Variants in SMYD3 observed in about 807,000 individuals in gnomAD.
The protein encoded by SMYD3 is histone-lysine N-methyltransferase SMYD3.
A neutral mutation model predicts 57.7 loss-of-function variants in SMYD3; 36 were observed. That is an observed-to-expected ratio of 0.62 (90% confidence interval 0.48 to 0.82). The LOEUF (loss-of-function observed/expected upper bound fraction) is 0.82, where lower values mean the gene tolerates loss of function less well. Among genes scored for constraint, SMYD3 ranks in the 40% least tolerant of loss-of-function variants. SMYD3 has a pLI of 0.00. For synonymous variants in SMYD3, 211 were observed against 195.0 expected (o/e 1.08, Z -0.68); for missense variants, 515 against 538.8 (o/e 0.96, Z 0.44).
Position 246,319,946 on chromosome 1 carries a change from C to G in SMYD3, c.531+7255G>C, listed in dbSNP as rs145367515. 3.2e-3 allele frequency among the ~76,000 whole-genome samples: 493 copies of G among 152,288 alleles called. 6 individuals carry two copies. The East Asian group carries it at 0.047, about 14-fold the overall frequency. The stretch of plus-strand genomic sequence containing the variant: ...ACTAAAATTATGAGGGAGGTTATAG[C>G]AGAATATCACATCCATTATTTATGA... On this transcript the variant is annotated intron_variant, in intron 5 of 11. Transcript: ENST00000490107.
At chr1:246,408,344 TTGTG>T (rs144149131) in intron 1 of SMYD3, among the ~76,000 whole-genome samples, 1 of 151,972 alleles carries the variant, frequency 6.6e-6, no homozygotes, top group African/African-American at 2.4e-5. Context: ...AGGATAGCAT[TTGTG>T]TGTGTGTGCG....
intron 7 of SMYD3, among the ~76,000 whole-genome samples, chr1:245,920,345 C>G (rs2055828615): frequency 6.8e-6 from 1 of 146,812 alleles, no homozygotes; most frequent in Admixed American, 6.7e-5. Flanking sequence ...AAAAGATGAC[C>G]AAGTTAAAAT....
intron 10 of SMYD3, among the ~76,000 whole-genome samples, chr1:245,793,112 A>T (rs552967093): frequency 7.3e-6 from 1 of 137,402 alleles, no homozygotes; most frequent in Non-Finnish European, 1.6e-5. Context: ...GATCAAGACC[A>T]TCCTGGCTAA....
rs529963475 is a variant in SMYD3 at position 246,444,707 on chromosome 1, T to G, written c.164+62347A>C. Among the ~76,000 whole-genome samples, 23 of 152,266 alleles carry G rather than the reference T, an allele frequency of 1.5e-4. No individual in the cohort carries two copies. The South Asian group carries it at 3.5e-3, about 23-fold the overall frequency. ...ATGCAAAATTCCTGAAAAGTCTCCA[T>G]GAATCCCGAAGTGTATATATACACC... On this transcript the variant is annotated intron_variant, in intron 1 of 11. Coordinates refer to ENST00000490107, the MANE Select transcript of SMYD3 (RefSeq NM_001167740.2).
At chr1:246,119,238 T>A (rs570947430) in intron 5 of SMYD3, among the ~76,000 whole-genome samples, 1 of 152,130 alleles carries the variant, frequency 6.6e-6, no homozygotes, top group East Asian at 1.9e-4. Flanking sequence ...CCTCAAGCTA[T>A]CCTTCCACCT....
chr1:246,398,672 A>C (rs1311359989), intron 1 of SMYD3, among the ~76,000 whole-genome samples: 1 of 152,210 alleles, frequency 6.6e-6, no homozygotes, highest in Non-Finnish European at 1.5e-5. Flanking sequence ...CACAGAGCAC[A>C]AAGAGGGAGA....
intron 1 of SMYD3, 48 bp downstream of exon 1, chr1:246,507,006 A>G: frequency 1.0e-6 from 1 of 989,834 alleles, no homozygotes; most frequent in Non-Finnish European, 1.3e-6. Context: ...CCTCCCCAGC[A>G]CCCCACACAG....
chr1:246,495,568 A>C (rs1039762401), intron 1 of SMYD3, among the ~76,000 whole-genome samples: 3 of 152,170 alleles, frequency 2.0e-5, no homozygotes, highest in African/African-American at 7.2e-5. Flanking sequence ...AGAGGGAAAA[A>C]GTCCCAAGAA....
chr1:246,173,449 T>G (rs929488019), intron 5 of SMYD3, among the ~76,000 whole-genome samples: 6 of 152,258 alleles, frequency 3.9e-5, no homozygotes, highest in Admixed American at 3.9e-4. Context: ...TTTTACTTTA[T>G]AAACTTTTTT....
chr1:246,476,735 C>G (rs1345772859), intron 1 of SMYD3, among the ~76,000 whole-genome samples: 2 of 152,206 alleles, frequency 1.3e-5, no homozygotes, highest in African/African-American at 4.8e-5. Flanking sequence ...CCTTATTTTT[C>G]TAGTCTAAGG....
chr1:245,890,093 C>T (rs9728929), intron 8 of SMYD3, among the ~76,000 whole-genome samples: 64,355 of 151,844 alleles, frequency 0.42, 16,700 homozygotes, highest in East Asian at 0.81. Context: ...GATGGATTAA[C>T]GACTTAAATT....
At chr1:245,949,488 A>G (rs1005511394) in intron 5 of SMYD3, among the ~76,000 whole-genome samples, 5 of 152,294 alleles carry the variant, frequency 3.3e-5, no homozygotes, top group African/African-American at 1.2e-4. Flanking sequence ...AGACTACACT[A>G]CCGTGCGCAC....
chr1:246,021,801 CAAATGGA>C (rs1393087716), intron 5 of SMYD3, among the ~76,000 whole-genome samples: 1 of 152,080 alleles, frequency 6.6e-6, no homozygotes, highest in Non-Finnish European at 1.5e-5. Context: ...AAAACCCATT[CAAATGGA>C]AAATGGAAAG....
intron 5 of SMYD3, among the ~76,000 whole-genome samples, chr1:246,242,053 T>C (rs1441854191): frequency 1.3e-5 from 2 of 151,624 alleles, no homozygotes; most frequent in Non-Finnish European, 2.9e-5. Flanking sequence ...CCTGGATTCA[T>C]TGATTTTTGA....
chr1:246,136,737 A>C lies in SMYD3; in HGVS notation c.531+190464T>G, dbSNP rs1482891882. Among the ~76,000 whole-genome samples the C allele has an allele frequency of 3.9e-5, 6 of 152,234 alleles. No homozygotes were observed. In the East Asian group the frequency reaches 1.2e-3, roughly 29 times the overall value. The stretch of plus-strand genomic sequence containing the variant: ...AACATACAAATAAAATGAATGAATA[A>C]GTGAATGAGTGGGCATATAAATGAA... On this transcript the variant is annotated intron_variant, in intron 5 of 11. Coordinates refer to ENST00000490107, the MANE Select transcript of SMYD3 (RefSeq NM_001167740.2).
intron 2 of SMYD3, among the ~76,000 whole-genome samples, chr1:246,353,699 T>G (rs2065868325): frequency 6.6e-6 from 1 of 152,214 alleles, no homozygotes; most frequent in African/African-American, 2.4e-5. Context: ...TACAGAATAT[T>G]TGGCAAGTTG....
intron 5 of SMYD3, among the ~76,000 whole-genome samples, chr1:246,326,605 A>G (rs1572384177): frequency 9.0e-6 from 1 of 110,590 alleles, no homozygotes; most frequent in African/African-American, 3.0e-5. Flanking sequence ...CAAAAAAAAA[A>G]AAACAAAATT....
chr1:246,077,763 T>G (rs1572987108), intron 5 of SMYD3, among the ~76,000 whole-genome samples: 1 of 152,124 alleles, frequency 6.6e-6, no homozygotes, highest in East Asian at 1.9e-4. Context: ...ATTCTTCCTC[T>G]CTGTAATGAC....
At chr1:246,130,579 A>G (rs2148065490) in intron 5 of SMYD3, among the ~76,000 whole-genome samples, 1 of 152,272 alleles carries the variant, frequency 6.6e-6, no homozygotes, top group Non-Finnish European at 1.5e-5. Context: ...GTTTTCAAAA[A>G]TCCAATTTTT....
Sources: allele counts gnomAD v4.1 joint callset (sites outside exome capture counted in the v4.1 genomes callset), GRCh38; gene constraint gnomAD v4.1.1; transcripts MANE v1.5; gene names NCBI Gene and HGNC (gene_info 2026-07-23, HGNC 2026-07-21).